Variants in ANKRD30A observed in about 807,000 individuals in gnomAD.
The protein encoded by ANKRD30A is ankyrin repeat domain-containing protein 30A.
In ANKRD30A, 170 loss-of-function variants were observed where a neutral mutation model predicts 166.3. That is an observed-to-expected ratio of 1.02 (90% confidence interval 0.90 to 1.16). The LOEUF is 1.16. Ranked by LOEUF, ANKRD30A falls within the 50% of genes most tolerant of loss-of-function variation. ANKRD30A has a pLI of 0.00. For missense variants in ANKRD30A, 1,630 were observed against 1,518.0 expected (o/e 1.07, Z -1.23); for synonymous variants, 564 against 508.9 (o/e 1.11, Z -1.46).
At position 37,157,375 on chromosome 10, in the gene ANKRD30A, C is replaced by T. The variant is rs373382805; in HGVS notation, c.1799-1017C>T. Among the ~76,000 whole-genome samples the T allele has an allele frequency of 2.6e-5, 4 of 152,204 alleles. 1 individual carries two copies. In the South Asian group the frequency reaches 6.2e-4, roughly 24 times the overall value. On this transcript the variant is annotated intron_variant, in intron 13 of 35. Transcript: ENST00000361713. ...AGAAGTTTGCTTCTTGTTTGTAATA[C>T]ATCCATATAAGATGTTTTCTCGCTC...
At chr10:37,252,352 G>A in the ANKRD30A span, among the ~76,000 whole-genome samples, 2 of 152,136 alleles carry the variant, frequency 1.3e-5, no homozygotes, top group South Asian at 4.1e-4. Context: ...TTTTGGAGAA[G>A]GCCATTTCCC....
At chr10:37,139,325 A>G (rs1836942760) in intron 6 of ANKRD30A, among the ~76,000 whole-genome samples, 1 of 152,336 alleles carries the variant, frequency 6.6e-6, no homozygotes, top group Admixed American at 6.5e-5. Context: ...TGCTGTAAAG[A>G]GTCAGCAGCC....
chr10:37,225,676 CT>C (rs899085029), intron 34 of ANKRD30A, among the ~76,000 whole-genome samples: 22 of 151,532 alleles, frequency 1.5e-4, no homozygotes, highest in African/African-American at 4.8e-4. Context: ...TTAATATGTT[CT>C]TTTTCTATAA....
intron 5 of ANKRD30A, among the ~76,000 whole-genome samples, chr10:37,134,977 C>T (rs368054442): frequency 3.3e-5 from 5 of 152,242 alleles, no homozygotes; most frequent in South Asian, 2.1e-4. Flanking sequence ...TATCTTATTC[C>T]GTAAGATCCC....
At chr10:37,227,193 T>C (rs1468821639) in intron 34 of ANKRD30A, among the ~76,000 whole-genome samples, 1 of 152,026 alleles carries the variant, frequency 6.6e-6, no homozygotes, top group Non-Finnish European at 1.5e-5. Flanking sequence ...TGAGTTGTTA[T>C]ATCTAAGAAG....
At chr10:37,252,682 GTT>G in the ANKRD30A span, among the ~76,000 whole-genome samples, 1 of 143,032 alleles carries the variant, frequency 7.0e-6, no homozygotes. Flanking sequence ...AAAATTTACA[GTT>G]TTTTTTTTTT....
chr10:37,155,938 G>T (rs930461718), intron 13 of ANKRD30A, among the ~76,000 whole-genome samples: 2 of 151,906 alleles, frequency 1.3e-5, no homozygotes, highest in African/African-American at 2.4e-5. Flanking sequence ...AAAATTAGCC[G>T]GGCGTGGTGG....
intron 15 of ANKRD30A, among the ~76,000 whole-genome samples, chr10:37,161,577 A>T (rs1254927965): frequency 6.6e-6 from 1 of 152,186 alleles, no homozygotes; most frequent in Non-Finnish European, 1.5e-5. Flanking sequence ...GAGTGAACTC[A>T]CTTCAGTTGC....
In ANKRD30A at chr10:37,129,898, C is replaced by A; in HGVS notation, c.227C>A (p.Ala76Asp). 2 of 1,521,788 alleles carry A rather than the reference C, an allele frequency of 1.3e-6. No individual in the cohort carries two copies. Among genetic ancestry groups the A allele is most frequent in the Non-Finnish European group, 8.8e-7 (1 of 1,130,412 alleles). 94.3% of individuals were successfully genotyped at this position (1,521,788 alleles called of 1,614,324 possible). ...LNIQDAQKRT[A>D]LHWACVNGHE... ...AAGTCCTCTCACTCTCGTAGGACTG[C>A]TCTACACTGGGCCTGTGTCAATGGC... Residue 76 changes from alanine to aspartate, a missense_variant, in exon 2 of 36, where the codon GCT (alanine) becomes GAT (aspartate). Ala to Asp is a moderately radical substitution (Grantham distance 126). Coordinates refer to ENST00000361713, the MANE Select transcript of ANKRD30A (RefSeq NM_052997.3).
rs1389809629 is a variant in ANKRD30A, at chr10:37,197,461, T to A, written c.2697T>A (p.Asn899Lys). The change falls in exon 29 of 36, where the codon AAT becomes AAA. Residue 899 changes from asparagine (N) to lysine (K), a missense_variant. Coordinates refer to ENST00000361713, the MANE Select transcript of ANKRD30A (RefSeq NM_052997.3). ...SVPNKALELKNEQTLRADQMF... is the reference protein window; with the variant it reads ...SVPNKALELKKEQTLRADQMF... ...CAAATAAAGCCTTGGAATTGAAGAA[T>A]GAACAAACATTGAGAGCAGGTACAT... is the stretch of plus-strand genomic sequence containing the variant. The A allele has an allele frequency of 6.2e-7, 1 of 1,612,458 alleles. No individual in the cohort carries two copies. The highest frequency in any genetic ancestry group is 1.1e-5 in the South Asian group (1 of 91,010).
intron 34 of ANKRD30A, among the ~76,000 whole-genome samples, chr10:37,229,432 T>C (rs986792469): frequency 6.6e-6 from 1 of 152,030 alleles, no homozygotes; most frequent in Non-Finnish European, 1.5e-5. Context: ...ATGTATGCAA[T>C]GTGTAATGCT....
chr10:37,128,997 T>C (rs1248152058), intron 1 of ANKRD30A, among the ~76,000 whole-genome samples: 1 of 152,202 alleles, frequency 6.6e-6, no homozygotes, highest in African/African-American at 2.4e-5. Context: ...CGGAATAAGA[T>C]GAGCCATACC....
intron 33 of ANKRD30A, 92 bp downstream of exon 33, chr10:37,217,970 G>T: frequency 1.1e-6 from 1 of 895,066 alleles, no homozygotes; most frequent in South Asian, 3.2e-5. Flanking sequence ...GTATTATTCA[G>T]GTCTAAATCA....
the ANKRD30A span, among the ~76,000 whole-genome samples, chr10:37,259,016 A>G: frequency 6.6e-6 from 1 of 150,722 alleles, no homozygotes; most frequent in East Asian, 2.0e-4. Flanking sequence ...GAGTATCTTT[A>G]TGACACTGGA....
intron 29 of ANKRD30A, 85 bp downstream of exon 29, chr10:37,197,565 T>G: frequency 6.3e-7 from 1 of 1,589,922 alleles, no homozygotes; most frequent in Non-Finnish European, 8.6e-7. Context: ...TGCTTTATTT[T>G]TTTCAACTTT....
intron 19 of ANKRD30A, among the ~76,000 whole-genome samples, chr10:37,166,924 A>G (rs901761151): frequency 6.6e-5 from 10 of 152,134 alleles, no homozygotes; most frequent in African/African-American, 1.7e-4. Flanking sequence ...ATATTCCAAG[A>G]CGTGAGGAAA....
At position 37,158,559 on chromosome 10, in the gene ANKRD30A, T is replaced by C. The variant is rs771235689; in HGVS notation, c.1873T>C (p.Leu625=). 1.2e-6 allele frequency: 2 copies of C among 1,613,350 alleles called. No individual in the cohort carries two copies. Among genetic ancestry groups the C allele is most frequent in the African/African-American group, 1.3e-5 (1 of 74,916 alleles). Residue 625 remains leucine, a synonymous_variant, in exon 15 of 36, where the codon TTG becomes CTG. Coordinates refer to ENST00000361713, the MANE Select transcript of ANKRD30A (RefSeq NM_052997.3). ...KVSIPTKALE[L]KDMQTFKAEP... Reference sequence around the variant, plus strand: ...TTCTATTCCAACTAAAGCCTTAGAATTGAAGGACATGCAAACTTTCAAAGC... The same window carrying C: ...TTCTATTCCAACTAAAGCCTTAGAACTGAAGGACATGCAAACTTTCAAAGC...
At chr10:37,200,597 C>G (rs114489395) in intron 30 of ANKRD30A, among the ~76,000 whole-genome samples, 1,541 of 152,138 alleles carry the variant, frequency 0.01, 34 homozygotes, top group African/African-American at 0.035. Flanking sequence ...GACTTTAATA[C>G]TTATTTGCTT....
intron 6 of ANKRD30A, among the ~76,000 whole-genome samples, 155 bp from the exon 7 acceptor site, chr10:37,141,563 A>AC (rs1391615284): frequency 8.0e-6 from 1 of 125,130 alleles, no homozygotes. Context: ...ACTGAGTGAG[A>AC]CTCTGTCTCA....
Sources: gnomAD v4.1 joint callset for allele counts (sites outside exome capture counted in the v4.1 genomes callset) on GRCh38, gnomAD v4.1.1 for gene constraint, MANE v1.5 for transcripts, NCBI Gene and HGNC (gene_info 2026-07-23, HGNC 2026-07-21) for gene names.